Variants in MAGI2 observed in about 807,000 individuals in gnomAD.
The protein encoded by MAGI2 is membrane-associated guanylate kinase, WW and PDZ domain-containing protein 2.
A neutral mutation model predicts 133.3 loss-of-function variants in MAGI2; 35 were observed. The ratio of observed to expected loss-of-function variants is 0.26; its 90% confidence interval spans 0.20 to 0.35. The LOEUF (loss-of-function observed/expected upper bound fraction) is 0.35, where lower values mean the gene tolerates loss of function less well. Ranked by LOEUF, MAGI2 falls within the 10% of genes least tolerant of loss-of-function variation. MAGI2 has a pLI of 1.00. For missense variants in MAGI2, 1,636 were observed against 1,863.4 expected (o/e 0.88, Z 2.25); for synonymous variants, 729 against 710.6 (o/e 1.03, Z -0.41).
intron 21 of MAGI2, among the ~76,000 whole-genome samples, chr7:78,044,121 A>G (rs1359888880): frequency 1.3e-5 from 2 of 152,230 alleles, no homozygotes; most frequent in East Asian, 3.8e-4. Flanking sequence ...ATTTTATGAG[A>G]AATGTTCATT....
At chr7:79,383,207 T>C (rs848945) in intron 1 of MAGI2, among the ~76,000 whole-genome samples, 53,303 of 151,258 alleles carry the variant, frequency 0.35, 10,826 homozygotes, top group African/African-American at 0.56. Flanking sequence ...TGGCCTATAA[T>C]GGGATTGGGA....
chr7:78,663,349 G>A (rs1186530343), intron 2 of MAGI2, among the ~76,000 whole-genome samples: 1 of 151,874 alleles, frequency 6.6e-6, no homozygotes, highest in African/African-American at 2.4e-5. Flanking sequence ...TGGGATTATA[G>A]GCACGCGCTA....
At chr7:78,804,761 A>AAC (rs1788403890) in intron 2 of MAGI2, among the ~76,000 whole-genome samples, 2 of 143,522 alleles carry the variant, frequency 1.4e-5, no homozygotes, top group African/African-American at 2.6e-5. Context: ...AAAAAAAAAA[A>AAC]AAAAAAAAAA....
chr7:78,182,375 C>A (rs908370800), intron 13 of MAGI2, among the ~76,000 whole-genome samples: 1 of 152,112 alleles, frequency 6.6e-6, no homozygotes, highest in African/African-American at 2.4e-5. Flanking sequence ...TTAAAATATC[C>A]CTTCTCTTTA....
At chr7:79,140,511 A>G (rs571267220) in intron 1 of MAGI2, among the ~76,000 whole-genome samples, 4 of 152,176 alleles carry the variant, frequency 2.6e-5, no homozygotes, top group Non-Finnish European at 5.9e-5. Context: ...TTAAAAAATA[A>G]TAACTAGATA....
intron 1 of MAGI2, among the ~76,000 whole-genome samples, chr7:79,407,897 T>C (rs1053395851): frequency 1.3e-5 from 2 of 152,118 alleles, no homozygotes; most frequent in South Asian, 4.1e-4. Context: ...TATATTGACA[T>C]ATTTTATATT....
At chr7:78,167,812 T>C (rs759946485) in intron 15 of MAGI2, 104 bp downstream of exon 15, 80 of 1,024,366 alleles carry the variant, frequency 7.8e-5, no homozygotes, top group Non-Finnish European at 1.1e-4. Context: ...CCTCATATAA[T>C]GTAGAAATGG....
chr7:79,048,389 A>C (rs779312472), intron 1 of MAGI2, among the ~76,000 whole-genome samples: 1 of 152,210 alleles, frequency 6.6e-6, no homozygotes, highest in Non-Finnish European at 1.5e-5. Flanking sequence ...GATGTTCTCC[A>C]ATTGAATGTT....
chr7:78,397,366 TACACACAC>T (rs71085528), intron 6 of MAGI2, among the ~76,000 whole-genome samples: 25 of 147,814 alleles, frequency 1.7e-4, no homozygotes, highest in African/African-American at 4.5e-4. Context: ...TTGAAATTCC[TACACACAC>T]ACACACACAC....
intron 3 of MAGI2, among the ~76,000 whole-genome samples, chr7:78,590,638 G>A (rs748933070): frequency 6.6e-6 from 1 of 152,060 alleles, no homozygotes; most frequent in African/African-American, 2.4e-5. Context: ...AATGCTTTTT[G>A]CTAGTCACGT....
intron 6 of MAGI2, among the ~76,000 whole-genome samples, chr7:78,430,829 C>T (rs1799722868): frequency 6.6e-6 from 1 of 152,070 alleles, no homozygotes; most frequent in South Asian, 2.1e-4. Flanking sequence ...ACAGTTAACA[C>T]CGCAAAGGGA....
chr7:78,884,311 C>G (rs930843180), intron 2 of MAGI2, among the ~76,000 whole-genome samples: 3 of 152,010 alleles, frequency 2.0e-5, no homozygotes, highest in African/African-American at 4.8e-5. Context: ...GACCCAATCT[C>G]TACAAAAATA....
At chr7:78,411,380 C>A (rs1012701468) in intron 6 of MAGI2, among the ~76,000 whole-genome samples, 1 of 151,888 alleles carries the variant, frequency 6.6e-6, no homozygotes, top group South Asian at 2.1e-4. Flanking sequence ...AATTTTCCAG[C>A]GTTAAAAAAC....
chr7:78,382,649 GTACAA>G (rs1795030180), intron 6 of MAGI2, among the ~76,000 whole-genome samples: 2 of 152,062 alleles, frequency 1.3e-5, no homozygotes, highest in Admixed American at 6.6e-5. Flanking sequence ...TACCACCCTA[GTACAA>G]TACAATTTTA....
intron 1 of MAGI2, among the ~76,000 whole-genome samples, chr7:79,198,026 CACTTGAGGCCAGGA>C (rs1201319971): frequency 2.0e-5 from 3 of 151,822 alleles, no homozygotes; most frequent in African/African-American, 7.3e-5. Context: ...GAGAGAGGAT[CACTTGAGGCCAGGA>C]GCTTGAGAGC....
At chr7:78,664,221 A>G (rs73701652) in intron 2 of MAGI2, among the ~76,000 whole-genome samples, 11,910 of 152,164 alleles carry the variant, frequency 0.078, 542 homozygotes, top group East Asian at 0.15. Flanking sequence ...TGATATATGT[A>G]TATACACACA....
At chr7:78,212,904 T>C (rs1484879919) in intron 10 of MAGI2, among the ~76,000 whole-genome samples, 2 of 152,174 alleles carry the variant, frequency 1.3e-5, no homozygotes, top group Non-Finnish European at 2.9e-5. Flanking sequence ...CTCAAATTCC[T>C]GGGCTCAAGT....
intron 20 of MAGI2, among the ~76,000 whole-genome samples, chr7:78,105,860 G>T (rs1220590226): frequency 6.6e-6 from 1 of 151,986 alleles, no homozygotes. Flanking sequence ...CTTTGTATCA[G>T]AAACATTTCA....
intron 15 of MAGI2, among the ~76,000 whole-genome samples, chr7:78,162,191 C>T (rs1030834483): frequency 3.9e-5 from 6 of 152,210 alleles, no homozygotes; most frequent in African/African-American, 9.6e-5. Context: ...CATTTTCTGG[C>T]TGTCATATTT....
Sources: allele counts gnomAD v4.1 joint callset (sites outside exome capture counted in the v4.1 genomes callset), GRCh38; gene constraint gnomAD v4.1.1; transcripts MANE v1.5; gene names NCBI Gene and HGNC (gene_info 2026-07-23, HGNC 2026-07-21).